Variants in SORCS3 observed in about 807,000 individuals in gnomAD.
SORCS3 encodes sortilin related VPS10 domain containing receptor 3.
In SORCS3, 57 loss-of-function variants were observed where a neutral mutation model predicts 146.3. That is an observed-to-expected ratio of 0.39 (90% CI 0.31 to 0.49). The LOEUF (loss-of-function observed/expected upper bound fraction) is 0.49, where lower values mean the gene tolerates loss of function less well. Among genes scored for constraint, SORCS3 ranks in the 20% least tolerant of loss-of-function variants. The pLI is 0.92. For synonymous variants in SORCS3, 653 were observed against 618.5 expected, an observed-to-expected ratio of 1.06 and a Z score of -0.83; for missense variants, 1,341 against 1,575.5, an observed-to-expected ratio of 0.85 and a Z score of 2.52.
intron 1 of SORCS3, among the ~76,000 whole-genome samples, chr10:104,808,876 A>G (rs1404737007): frequency 1.3e-5 from 2 of 152,250 alleles, no homozygotes; most frequent in Admixed American, 1.3e-4. Flanking sequence ...CACACAGCAG[A>G]AATGGACTGC....
chr10:105,219,943 T>G (rs529076356), intron 19 of SORCS3, among the ~76,000 whole-genome samples: 1 of 152,310 alleles, frequency 6.6e-6, no homozygotes, highest in African/African-American at 2.4e-5. Context: ...GTGCTTATAA[T>G]TCCCTCCAAA....
intron 2 of SORCS3, among the ~76,000 whole-genome samples, chr10:104,877,163 T>C (rs1257227790): frequency 6.6e-6 from 1 of 152,182 alleles, no homozygotes; most frequent in Non-Finnish European, 1.5e-5. Flanking sequence ...GTCTTCCTCT[T>C]TTAATCACAA....
intron 2 of SORCS3, among the ~76,000 whole-genome samples, chr10:104,887,645 T>C (rs2018702734): frequency 6.6e-6 from 1 of 152,098 alleles, no homozygotes; most frequent in Non-Finnish European, 1.5e-5. Flanking sequence ...TGCCTCAAGA[T>C]CCCCAAGTGG....
chr10:105,041,135 T>C lies in SORCS3; in HGVS notation c.955-1920T>C, dbSNP rs150116628. ...GTTCAAGATCTTTTATTTTCAGAGC[T>C]TGCAACAGTTGGTTAGCAATGCTAG... is the stretch of plus-strand genomic sequence containing the variant. On this transcript the variant is annotated intron_variant, in intron 4 of 26. Transcript: ENST00000369701. Among the ~76,000 whole-genome samples the C allele has an allele frequency of 3.3e-3, 484 of 148,244 alleles. 3 individuals are homozygous for C. The highest frequency in any genetic ancestry group is 0.011 in the African/African-American group (455 of 40,812).
At chr10:105,039,351 ATCAG>A (rs999246493) in intron 4 of SORCS3, among the ~76,000 whole-genome samples, 3 of 152,092 alleles carry the variant, frequency 2.0e-5, no homozygotes, top group Non-Finnish European at 4.4e-5. Context: ...TTTTTTTTCC[ATCAG>A]TCAAACTGAA....
chr10:105,084,840 C>A (rs2133736695), intron 5 of SORCS3, among the ~76,000 whole-genome samples: 1 of 151,990 alleles, frequency 6.6e-6, no homozygotes, highest in South Asian at 2.1e-4. Flanking sequence ...ACGCCATTCT[C>A]CTGCCTTAGC....
intron 25 of SORCS3, among the ~76,000 whole-genome samples, chr10:105,258,741 T>C (rs1051654888): frequency 3.3e-5 from 5 of 152,216 alleles, no homozygotes; most frequent in African/African-American, 1.2e-4. Flanking sequence ...CCATACCAGG[T>C]AATGACATCT....
chr10:104,800,374 T>C (rs1258889726), intron 1 of SORCS3, among the ~76,000 whole-genome samples: 1 of 152,178 alleles, frequency 6.6e-6, no homozygotes, highest in Non-Finnish European at 1.5e-5. Context: ...TTTAAGGCAG[T>C]GAAACTATTC....
At chr10:104,819,558 C>G (rs1372379443) in intron 1 of SORCS3, among the ~76,000 whole-genome samples, 2 of 152,210 alleles carry the variant, frequency 1.3e-5, no homozygotes, top group African/African-American at 4.8e-5. Flanking sequence ...TATTCCTCAG[C>G]TGTTATTCTG....
intron 20 of SORCS3, among the ~76,000 whole-genome samples, chr10:105,224,030 A>T (rs2056719798): frequency 6.6e-6 from 1 of 152,222 alleles, no homozygotes; most frequent in Non-Finnish European, 1.5e-5. Flanking sequence ...CTCCATTATC[A>T]ACATCCTCCA....
At chr10:104,785,082 C>CA (rs966869337) in intron 1 of SORCS3, among the ~76,000 whole-genome samples, 3 of 146,912 alleles carry the variant, frequency 2.0e-5, no homozygotes, top group Non-Finnish European at 4.4e-5. Context: ...GGGGGCTGAC[C>CA]CCCCCCCACC....
At chr10:105,111,340 A>AT (rs2055857838) in intron 7 of SORCS3, among the ~76,000 whole-genome samples, 1 of 152,162 alleles carries the variant, frequency 6.6e-6, no homozygotes. Context: ...CCAGGTCTCT[A>AT]AAAGGAATAG....
rs2056573088 is a variant in SORCS3, at chr10:105,201,259, T to A, written c.2261+6T>A. On this transcript the variant is annotated splice_donor_region_variant and intron_variant, in intron 16 of 26. Transcript: ENST00000369701. The stretch of plus-strand genomic sequence containing the variant: ...GCCAATTGGGACTTCGAGTGGTGAG[T>A]TGTTTGGCATTTCATTACCAATTCC... 1 of 1,600,868 alleles carries A rather than the reference T, an allele frequency of 6.2e-7. No homozygotes were observed. The highest frequency in any genetic ancestry group is 1.3e-5 in the African/African-American group (1 of 74,284).
intron 14 of SORCS3, among the ~76,000 whole-genome samples, chr10:105,183,293 C>T (rs1260332245): frequency 6.6e-6 from 1 of 152,198 alleles, no homozygotes; most frequent in East Asian, 1.9e-4. Flanking sequence ...ACCAGCAGAA[C>T]TAACAGCCAA....
At chr10:104,773,566 G>A (rs1228975774) in intron 1 of SORCS3, among the ~76,000 whole-genome samples, 1 of 152,190 alleles carries the variant, frequency 6.6e-6, no homozygotes, top group African/African-American at 2.4e-5. Context: ...GCCAGCTGAC[G>A]CAGGGCTAAG....
At chr10:104,724,794 A>T (rs984233996) in intron 1 of SORCS3, among the ~76,000 whole-genome samples, 1 of 152,028 alleles carries the variant, frequency 6.6e-6, no homozygotes, top group Non-Finnish European at 1.5e-5. Context: ...TGCATTCATC[A>T]TGTAGTTCTC....
intron 1 of SORCS3, among the ~76,000 whole-genome samples, chr10:104,816,181 G>T (rs2017796034): frequency 6.6e-6 from 1 of 152,172 alleles, no homozygotes; most frequent in African/African-American, 2.4e-5. Flanking sequence ...GTCTGGGCCA[G>T]CATACAGTAT....
At chr10:104,738,222 T>G (rs1383414715) in intron 1 of SORCS3, among the ~76,000 whole-genome samples, 1 of 152,220 alleles carries the variant, frequency 6.6e-6, no homozygotes, top group Non-Finnish European at 1.5e-5. Flanking sequence ...TTCTTTTGGC[T>G]TAGGATTGAC....
intron 3 of SORCS3, among the ~76,000 whole-genome samples, chr10:104,972,718 C>A (rs1175087280): frequency 2.6e-5 from 4 of 152,098 alleles, no homozygotes; most frequent in African/African-American, 9.7e-5. Context: ...GTTCCCGGAA[C>A]TTCCAACACT....
Sources: allele counts gnomAD v4.1 joint callset (sites outside exome capture counted in the v4.1 genomes callset), GRCh38; gene constraint gnomAD v4.1.1; transcripts MANE v1.5; gene names NCBI Gene and HGNC (gene_info 2026-07-23, HGNC 2026-07-21).